Variants in SLC2A13 observed in about 807,000 individuals in gnomAD.
SLC2A13 encodes the protein solute carrier family 2 member 13.
In SLC2A13, 32 loss-of-function variants were observed where a neutral mutation model predicts 64.4. That is an observed-to-expected ratio of 0.50 (90% CI 0.37 to 0.67). The LOEUF is 0.67. SLC2A13 is among the 30% of genes least tolerant of loss of function. The pLI is 0.00. For missense variants in SLC2A13, 743 were observed against 829.2 expected (o/e 0.90, Z 1.28); for synonymous variants, 338 against 327.1 (o/e 1.03, Z -0.36).
chr12:39,993,416 T>C (rs1565580454), intron 3 of SLC2A13, among the ~76,000 whole-genome samples: 1 of 152,250 alleles, frequency 6.6e-6, no homozygotes. Context: ...TCTCAGATGC[T>C]GTTTAAGAGA....
chr12:39,871,266 C>A (rs1944045288), intron 5 of SLC2A13, among the ~76,000 whole-genome samples: 1 of 152,064 alleles, frequency 6.6e-6, no homozygotes, highest in Non-Finnish European at 1.5e-5. Context: ...ATAGAAAATA[C>A]ATTTAACCAA....
At chr12:39,869,903 A>G (rs991195213) in intron 5 of SLC2A13, among the ~76,000 whole-genome samples, 7 of 152,218 alleles carry the variant, frequency 4.6e-5, no homozygotes, top group African/African-American at 1.7e-4. Flanking sequence ...TTGAAATCCT[A>G]TACATCTGTA....
chr12:40,001,017 T>G (rs919047468), intron 3 of SLC2A13, among the ~76,000 whole-genome samples: 1 of 152,042 alleles, frequency 6.6e-6, no homozygotes, highest in Admixed American at 6.5e-5. Context: ...AGAGGAGAAA[T>G]GATAAGAGAG....
intron 4 of SLC2A13, among the ~76,000 whole-genome samples, chr12:39,872,937 C>T (rs1388308465): frequency 1.3e-5 from 2 of 152,148 alleles, no homozygotes; most frequent in African/African-American, 2.4e-5. Context: ...TTAAATCAGG[C>T]TGAATATTTC....
chr12:40,080,152 G>A (rs956152685), intron 1 of SLC2A13, among the ~76,000 whole-genome samples: 4 of 151,856 alleles, frequency 2.6e-5, no homozygotes, highest in African/African-American at 7.3e-5. Flanking sequence ...GTGAGCCACC[G>A]CACCTGGGTT....
intron 7 of SLC2A13, among the ~76,000 whole-genome samples, chr12:39,767,963 T>A (rs1214454719): frequency 6.6e-6 from 1 of 152,124 alleles, no homozygotes; most frequent in Non-Finnish European, 1.5e-5. Flanking sequence ...ATCTCTTTCC[T>A]TTATAAACTA....
intron 4 of SLC2A13, among the ~76,000 whole-genome samples, chr12:39,891,207 A>C: frequency 6.7e-6 from 1 of 149,920 alleles, no homozygotes; most frequent in Non-Finnish European, 1.5e-5. Context: ...CAGTCTCTCC[A>C]TCATTATTTC....
chr12:39,815,390 T>C (rs547291281), intron 7 of SLC2A13, among the ~76,000 whole-genome samples: 4 of 152,354 alleles, frequency 2.6e-5, no homozygotes, highest in Admixed American at 2.0e-4. Flanking sequence ...CTCCACATGA[T>C]ATAAAATCAT....
At chr12:39,807,176 T>C (rs1942005911) in intron 7 of SLC2A13, among the ~76,000 whole-genome samples, 1 of 152,188 alleles carries the variant, frequency 6.6e-6, no homozygotes, top group Non-Finnish European at 1.5e-5. Flanking sequence ...GCCAACCTAG[T>C]GGTCATGAGG....
At chr12:39,793,396 C>A (rs1425346887) in intron 7 of SLC2A13, among the ~76,000 whole-genome samples, 1 of 151,920 alleles carries the variant, frequency 6.6e-6, no homozygotes, top group Non-Finnish European at 1.5e-5. Context: ...TCAATTCATC[C>A]CAAATTGATC....
Position 40,039,032 on chromosome 12 carries a change from T to C in SLC2A13, c.716+9019A>G, listed in dbSNP as rs932894139. Among the ~76,000 whole-genome samples, 4 of 152,352 alleles carry C rather than the reference T, an allele frequency of 2.6e-5. No homozygotes were observed. In the South Asian group the frequency reaches 8.3e-4, roughly 32 times the overall value. ...TTACCATTTTGTCCACTTTTAAGTA[T>C]ACAGCTCTACAGAATTAAGTGCATT... On this transcript the variant is annotated intron_variant, in intron 2 of 9. Coordinates refer to ENST00000280871, the MANE Select transcript of SLC2A13 (RefSeq NM_052885.4).
intron 7 of SLC2A13, among the ~76,000 whole-genome samples, chr12:39,821,012 T>G (rs1319955691): frequency 2.0e-5 from 3 of 152,086 alleles, no homozygotes; most frequent in African/African-American, 7.2e-5. Flanking sequence ...CCTACTGCAC[T>G]GCTCCCCAAA....
intron 4 of SLC2A13, among the ~76,000 whole-genome samples, chr12:39,929,782 A>G (rs1945792687): frequency 1.3e-5 from 2 of 152,122 alleles, no homozygotes; most frequent in South Asian, 4.1e-4. Flanking sequence ...GCTCCACTGA[A>G]AAGTATGCAG....
intron 7 of SLC2A13, among the ~76,000 whole-genome samples, chr12:39,779,834 A>T (rs1940915842): frequency 6.6e-6 from 1 of 152,166 alleles, no homozygotes; most frequent in Non-Finnish European, 1.5e-5. Context: ...TTCTGATTTT[A>T]TTTTCTTTCC....
chr12:40,080,469 C>A (rs933986804), intron 1 of SLC2A13, among the ~76,000 whole-genome samples: 5 of 152,200 alleles, frequency 3.3e-5, no homozygotes, highest in Non-Finnish European at 5.9e-5. Context: ...CAGCTCACTG[C>A]AACCTCTGCC....
chr12:40,035,470 T>C (rs1947968107), intron 2 of SLC2A13, among the ~76,000 whole-genome samples: 1 of 152,206 alleles, frequency 6.6e-6, no homozygotes, highest in Non-Finnish European at 1.5e-5. Flanking sequence ...GGAAAGTTAC[T>C]TTTCCTCTGC....
chr12:39,898,259 C>T lies in SLC2A13; in HGVS notation c.1035-26298G>A, dbSNP rs191148275. ...ATCAAATTACTGCACAGAAAAGAAC[C>T]AATGAAAAGAAGAAACTCTTTCGAA... On this transcript the variant is annotated intron_variant, in intron 4 of 9. Coordinates refer to ENST00000280871, the MANE Select transcript of SLC2A13 (RefSeq NM_052885.4). Among the ~76,000 whole-genome samples, 6 of 152,082 alleles carry T rather than the reference C, an allele frequency of 3.9e-5. No homozygotes were observed. The East Asian group carries it at 1.2e-3, about 29-fold the overall frequency.
At chr12:39,871,485 GAA>G (rs11312316) in intron 5 of SLC2A13, among the ~76,000 whole-genome samples, 33 of 150,472 alleles carry the variant, frequency 2.2e-4, no homozygotes, top group Middle Eastern at 3.5e-3. Flanking sequence ...AAAAAGGATA[GAA>G]AAAAAAAACA....
chr12:39,914,776 TTCTC>T (rs1945496209), intron 4 of SLC2A13, among the ~76,000 whole-genome samples: 1 of 151,986 alleles, frequency 6.6e-6, no homozygotes, highest in Non-Finnish European at 1.5e-5. Flanking sequence ...TAGAACTTGA[TTCTC>T]TACCTAAGTC....
Sources: allele counts gnomAD v4.1 joint callset (sites outside exome capture counted in the v4.1 genomes callset), GRCh38; gene constraint gnomAD v4.1.1; transcripts MANE v1.5; gene names NCBI Gene and HGNC (gene_info 2026-07-23, HGNC 2026-07-21).